ZNF521: variants seen among roughly 807,000 people sequenced by gnomAD.
The protein encoded by ZNF521 is zinc finger protein 521.
A neutral mutation model predicts 105.5 loss-of-function variants in ZNF521; 14 were observed. The ratio of observed to expected loss-of-function variants is 0.13; its 90% CI spans 0.09 to 0.21. The LOEUF is 0.21. Among genes scored for constraint, ZNF521 ranks in the 10% least tolerant of loss-of-function variants. The pLI, the probability that ZNF521 is intolerant of heterozygous loss-of-function variation, is 1.00. For missense variants in ZNF521, 1,233 were observed against 1,629.7 expected (o/e 0.76, Z 4.19); for synonymous variants, 635 against 606.0 (o/e 1.05, Z -0.70).
At chr18:25,177,278 A>C (rs1340570741) in intron 5 of ZNF521, among the ~76,000 whole-genome samples, 1 of 152,130 alleles carries the variant, frequency 6.6e-6, no homozygotes, top group East Asian at 1.9e-4. Flanking sequence ...TTTGGTTTTA[A>C]GTCACCAATT....
chr18:25,184,415 CA>C (rs1406225315), intron 5 of ZNF521, among the ~76,000 whole-genome samples: 1 of 152,078 alleles, frequency 6.6e-6, no homozygotes, highest in Non-Finnish European at 1.5e-5. Context: ...AACACTGTAA[CA>C]ATGATTATCT....
intron 5 of ZNF521, among the ~76,000 whole-genome samples, chr18:25,163,055 G>A (rs891817267): frequency 2.0e-5 from 3 of 152,092 alleles, no homozygotes; most frequent in Non-Finnish European, 2.9e-5. Context: ...CAGGCAAGAA[G>A]AGACTATAAT....
rs148661295 is a variant in ZNF521, at chr18:25,104,550, G to A, written c.3659-12469C>T. 2.4e-4 allele frequency among the ~76,000 whole-genome samples: 36 copies of A among 152,332 alleles called. No individual in the cohort carries two copies. In the East Asian group the frequency reaches 5.4e-3, roughly 23 times the overall value. On this transcript the variant is annotated intron_variant, in intron 5 of 7. Transcript: ENST00000361524. ...AGTCCAGGACAGAAAGTGACCTATA[G>A]GGATGACCTGGCCTCTTGCCCTTTT...
chr18:25,165,640 A>G (rs530189080), intron 5 of ZNF521, among the ~76,000 whole-genome samples: 2 of 152,334 alleles, frequency 1.3e-5, no homozygotes, highest in South Asian at 4.1e-4. Context: ...ACTCAAAGTA[A>G]TAAGTTCTGT....
intron 5 of ZNF521, among the ~76,000 whole-genome samples, chr18:25,127,158 C>G (rs1293510785): frequency 6.6e-6 from 1 of 151,832 alleles, no homozygotes; most frequent in Non-Finnish European, 1.5e-5. Flanking sequence ...GTGAAATAAT[C>G]AGTTTGAAAA....
chr18:25,069,966 T>C (rs554979157), intron 7 of ZNF521, among the ~76,000 whole-genome samples: 8 of 152,334 alleles, frequency 5.3e-5, no homozygotes, highest in Non-Finnish European at 8.8e-5. Context: ...GTCATCACCA[T>C]GAACTTACAG....
chr18:25,333,311 T>TCTCC (rs1417411460), intron 2 of ZNF521, among the ~76,000 whole-genome samples: 7 of 142,032 alleles, frequency 4.9e-5, no homozygotes, highest in Non-Finnish European at 1.1e-4. Flanking sequence ...TCTCTCTCTC[T>TCTCC]CTCTATATAT....
intron 3 of ZNF521, among the ~76,000 whole-genome samples, chr18:25,282,548 G>A (rs903970849): frequency 2.0e-5 from 3 of 152,128 alleles, no homozygotes; most frequent in African/African-American, 4.8e-5. Context: ...GTGTGAGCTT[G>A]CACATGGAGG....
chr18:25,215,569 G>T (rs900301742), intron 4 of ZNF521, among the ~76,000 whole-genome samples: 7 of 152,222 alleles, frequency 4.6e-5, no homozygotes, highest in Middle Eastern at 3.4e-3. Context: ...AAGTCCTTTG[G>T]CCTAGTACCA....
Position 25,074,066 on chromosome 18 carries a change from G to A in ZNF521, c.3907-11325C>T, listed in dbSNP as rs142188104. Among the ~76,000 whole-genome samples, 594 of 151,618 alleles carry A rather than the reference G, an allele frequency of 3.9e-3. 5 individuals carry two copies. Among genetic ancestry groups the A allele is most frequent in the African/African-American group, 0.014 (560 of 41,370 alleles). Reference sequence around the variant, plus strand: ...TGTGTCTGTGCACATGTGTGCGCACGCGTGTGTGCGTGCGTGTGTGCACGC... The same window carrying A: ...TGTGTCTGTGCACATGTGTGCGCACACGTGTGTGCGTGCGTGTGTGCACGC... On this transcript the variant is annotated intron_variant, in intron 7 of 7. Transcript: ENST00000361524.
intron 2 of ZNF521, among the ~76,000 whole-genome samples, chr18:25,325,397 C>T (rs538554031): frequency 1.3e-5 from 2 of 152,098 alleles, no homozygotes; most frequent in Admixed American, 6.5e-5. Flanking sequence ...AATTGTATTA[C>T]TCTGCTAGCC....
At chr18:25,328,081 C>T (rs1282833412) in intron 2 of ZNF521, among the ~76,000 whole-genome samples, 1 of 152,146 alleles carries the variant, frequency 6.6e-6, no homozygotes, top group African/African-American at 2.4e-5. Context: ...CCACTCTATT[C>T]TCTGAAAGTT....
At chr18:25,156,057 G>A (rs868022078) in intron 5 of ZNF521, among the ~76,000 whole-genome samples, 3 of 152,296 alleles carry the variant, frequency 2.0e-5, no homozygotes, top group South Asian at 2.1e-4. Flanking sequence ...GTTAGTGATA[G>A]TGTACTGTAC....
chr18:25,229,145 A>C (rs1906369137), intron 3 of ZNF521, among the ~76,000 whole-genome samples: 1 of 152,250 alleles, frequency 6.6e-6, no homozygotes, highest in Non-Finnish European at 1.5e-5. Context: ...GAAACTGGTG[A>C]GCATTATGTA....
chr18:25,253,617 T>C (rs1041596382), intron 3 of ZNF521, among the ~76,000 whole-genome samples: 4 of 152,164 alleles, frequency 2.6e-5, no homozygotes, highest in African/African-American at 2.4e-5. Context: ...GGAAAAGACA[T>C]GGTTCCATTT....
rs1201634905 is a variant in ZNF521, at chr18:25,151,709, G to A, written c.3658+43451C>T. The stretch of plus-strand genomic sequence containing the variant: ...GAGTCAAGGCAGGCATCATGCAGAA[G>A]TTGAATCTGAGCTTGCTGTTCAGAC... On this transcript the variant is annotated intron_variant, in intron 5 of 7. Coordinates refer to ENST00000361524, the MANE Select transcript of ZNF521 (RefSeq NM_015461.3). Among the ~76,000 whole-genome samples, 8 of 152,308 alleles carry A rather than the reference G, an allele frequency of 5.3e-5. No individual in the cohort carries two copies. In the South Asian group the frequency reaches 1.7e-3, roughly 32 times the overall value.
chr18:25,218,483 A>G (rs1285527724), intron 4 of ZNF521, among the ~76,000 whole-genome samples: 84 of 32,960 alleles, frequency 2.5e-3, no homozygotes, highest in Middle Eastern at 0.012. Context: ...CGAGCCTACT[A>G]AAAAAAAAAA....
chr18:25,077,016 C>CTACA, intron 7 of ZNF521, among the ~76,000 whole-genome samples: 1 of 152,332 alleles, frequency 6.6e-6, no homozygotes, highest in Middle Eastern at 3.4e-3. Context: ...AGGCAGCTTG[C>CTACA]TACAAATCCT....
chr18:25,226,664 A>C lies in ZNF521; in HGVS notation c.1254T>G (p.Leu418=), dbSNP rs1346421585. The change falls in exon 4 of 8, where the codon CTT becomes CTG. Residue 418 remains leucine, a synonymous_variant. Transcript: ENST00000361524. The surrounding 1 kb of genome is among the most constrained non-coding windows in gnomAD (Gnocchi z 4.1). ...TTTTCAGGTGAATCTGCAGAACTGC[A>C]AGACTTGAAAATAATTGTTTGTTGC... ...IYCNKQLFSS[L]AVLQIHLKTM... 1 of 1,614,090 alleles carries C rather than the reference A, an allele frequency of 6.2e-7. No homozygotes were observed. The highest frequency in any genetic ancestry group is 8.5e-7 in the Non-Finnish European group (1 of 1,180,048).
Sources: gnomAD v4.1 joint callset for allele counts (sites outside exome capture counted in the v4.1 genomes callset) on GRCh38, gnomAD v4.1.1 for gene constraint, Gnocchi (gnomAD v3.1) non-coding constraint, MANE v1.5 for transcripts, NCBI Gene and HGNC (gene_info 2026-07-23, HGNC 2026-07-21) for gene names.